DNAJC9: variants seen among roughly 807,000 people sequenced by gnomAD.
DNAJC9 encodes the protein DnaJ heat shock protein family (Hsp40) member C9, also known as dnaJ homolog subfamily C member 9.
In DNAJC9, 18 loss-of-function variants were observed where a neutral mutation model predicts 32.4. The observed-to-expected ratio is 0.56, with a 90% CI of 0.38 to 0.82. The LOEUF (loss-of-function observed/expected upper bound fraction) is 0.82. DNAJC9 is among the 40% of genes least tolerant of loss of function. The pLI is 0.00. For missense variants in DNAJC9, 310 were observed against 321.8 expected (o/e 0.96, Z 0.28); for synonymous variants, 113 against 122.1 (o/e 0.93, Z 0.49).
At position 73,247,001 on chromosome 10, in the gene DNAJC9, C is replaced by G. The variant is rs768964307; in HGVS notation, c.180+9G>C. ...CAGCCGGTCGGCTTCGGGGCGGGAC[C>G]CTGCATACCTGGAAGCGGCGGGTGG... is the stretch of plus-strand genomic sequence containing the variant. On this transcript the variant is annotated intron_variant, in intron 1 of 4. Coordinates refer to ENST00000372950, the MANE Select transcript of DNAJC9 (RefSeq NM_015190.5). 57 of 1,559,474 alleles carry G rather than the reference C, an allele frequency of 3.7e-5. 1 individual carries two copies. Among genetic ancestry groups the G allele is most frequent in the Non-Finnish European group, 4.4e-5 (51 of 1,151,582 alleles).
downstream of DNAJC9, chr10:73,234,921 T>G (rs1392424508): frequency 1.3e-6 from 2 of 1,552,074 alleles, no homozygotes; most frequent in Non-Finnish European, 8.7e-7. Flanking sequence ...GTGAGCACTG[T>G]GGGGCCACAA....
intron 1 of DNAJC9, 87 bp from the exon 2 acceptor site, chr10:73,246,915 G>T: frequency 6.3e-7 from 1 of 1,596,468 alleles, no homozygotes; most frequent in Non-Finnish European, 8.5e-7. Context: ...GCGCCAAGCG[G>T]AGCTCAGCGC....
downstream of DNAJC9, among the ~76,000 whole-genome samples, chr10:73,236,050 G>T (rs1232426239): frequency 6.6e-6 from 1 of 152,138 alleles, no homozygotes; most frequent in African/African-American, 2.4e-5. Context: ...CCCACATCCT[G>T]ACAGTTTTCA....
Position 73,246,012 on chromosome 10 carries a change from G to T in DNAJC9, c.486C>A (p.Ile162=). 8 of 1,613,706 alleles carry T rather than the reference G, an allele frequency of 5.0e-6. No homozygotes were observed. The highest frequency in any genetic ancestry group is 6.8e-6 in the Non-Finnish European group (8 of 1,179,754). The part of the protein sequence containing the change: ...QYTEEPRIRN[I]IQQAIDAGEV... ...CTCCGGCGTCAATAGCTTGCTGAAT[G>T]ATATTCCTTATCCTGGGTTCCTCTG... The change falls in exon 3 of 5, where the codon ATC becomes ATA. Residue 162 remains isoleucine (I), a synonymous_variant. Coordinates refer to ENST00000372950, the MANE Select transcript of DNAJC9 (RefSeq NM_015190.5).
At chr10:73,235,409 A>G, downstream of DNAJC9, 1 of 1,524,454 alleles carries the variant, frequency 6.6e-7, no homozygotes. Flanking sequence ...GATTTTATCT[A>G]GAGGCTTAAC....
Position 73,243,036 on chromosome 10 carries a change from G to A in DNAJC9, c.*364C>T. On this transcript the variant is annotated 3_prime_UTR_variant, in exon 5 of 5. Coordinates refer to ENST00000372950, the MANE Select transcript of DNAJC9 (RefSeq NM_015190.5). ...GGAAGGTGTTCTAGCTGGGTAGAGA[G>A]CCTATTCTAACAGACACGCACATCG... 5.1e-6 allele frequency: 1 copy of A among 197,432 alleles called. No individual in the cohort carries two copies. Among genetic ancestry groups the A allele is most frequent in the Non-Finnish European group, 1.0e-5 (1 of 96,304 alleles). 12.2% of individuals were successfully genotyped at this position (197,432 alleles called of 1,614,324 possible).
intron 2 of DNAJC9, chr10:73,233,042 T>C: frequency 6.4e-7 from 1 of 1,551,732 alleles, no homozygotes. Flanking sequence ...ATCTCTGTCA[T>C]ACACAGTGCA....
chr10:73,239,461 C>T (rs190252328), downstream of DNAJC9: 108 of 1,007,536 alleles, frequency 1.1e-4, no homozygotes, highest in Admixed American at 2.6e-3. Flanking sequence ...TTTCCTACAC[C>T]TATTTCCCCT....
At chr10:73,234,834 C>T (rs991366825), downstream of DNAJC9, 9 of 1,551,578 alleles carry the variant, frequency 5.8e-6, no homozygotes, top group South Asian at 1.2e-5. Context: ...GCACCCGACT[C>T]GCTCTCCTCT....
chr10:73,246,960 T>G, intron 1 of DNAJC9, 50 bp downstream of exon 1: 3 of 1,558,274 alleles, frequency 1.9e-6, no homozygotes, highest in Non-Finnish European at 1.7e-6. Flanking sequence ...GCCAAAAGGC[T>G]AGGGGGAGGC....
chr10:73,238,322 G>A (rs1178073592), downstream of DNAJC9, among the ~76,000 whole-genome samples: 2 of 152,186 alleles, frequency 1.3e-5, no homozygotes, highest in African/African-American at 4.8e-5. Context: ...ACTCCAACCT[G>A]GGCGACAGAG....
At chr10:73,244,177 G>A in intron 3 of DNAJC9, 1 of 480,502 alleles carries the variant, frequency 2.1e-6, no homozygotes, top group Admixed American at 3.9e-5. Context: ...AAGTACTCTG[G>A]CACTCATAAA....
intron 3 of DNAJC9, among the ~76,000 whole-genome samples, 195 bp downstream of exon 3, chr10:73,245,727 T>A (rs1242773909): frequency 1.3e-5 from 2 of 152,206 alleles, no homozygotes; most frequent in Non-Finnish European, 2.9e-5. Flanking sequence ...GCAATAAAAA[T>A]CATCTTGAGC....
chr10:73,234,463 A>G (rs1253686115), downstream of DNAJC9: 3 of 215,700 alleles, frequency 1.4e-5, no homozygotes, highest in African/African-American at 4.6e-5. Context: ...AACGATAACC[A>G]GAAGGTCCAG....
At chr10:73,238,814 C>T (rs573735451), downstream of DNAJC9, 2 of 152,282 alleles carry the variant, frequency 1.3e-5, no homozygotes, top group African/African-American at 2.4e-5. Context: ...ATATTGTAGT[C>T]GTATCTCTAC....
intron 3 of DNAJC9, among the ~76,000 whole-genome samples, chr10:73,245,373 C>T (rs1341800154): frequency 1.4e-5 from 2 of 139,686 alleles, no homozygotes; most frequent in African/African-American, 5.3e-5. Context: ...CCCCCACTGT[C>T]ACTGGAAAAA....
chr10:73,239,422 G>A, downstream of DNAJC9: 1 of 1,489,494 alleles, frequency 6.7e-7, no homozygotes, highest in Non-Finnish European at 9.2e-7. Context: ...ACTACTGTGT[G>A]GTTGTGTTAA....
chr10:73,240,902 C>T, downstream of DNAJC9: 1 of 1,174,012 alleles, frequency 8.5e-7, no homozygotes, highest in East Asian at 2.6e-5. Context: ...GAGTGATTAT[C>T]AAACCTAGAC....
downstream of DNAJC9, chr10:73,239,368 TG>T: frequency 5.2e-6 from 8 of 1,551,616 alleles, no homozygotes; most frequent in Non-Finnish European, 7.0e-6. Flanking sequence ...AGGCCCGACC[TG>T]GCAGGGGATC....
Sources: gnomAD v4.1 joint callset for allele counts (sites outside exome capture counted in the v4.1 genomes callset) on GRCh38, gnomAD v4.1.1 for gene constraint, MANE v1.5 for transcripts, NCBI Gene and HGNC (gene_info 2026-07-23, HGNC 2026-07-21) for gene names.